Variants in SUPT3H observed in about 807,000 individuals in gnomAD.
SUPT3H encodes transcription initiation protein SPT3 homolog.
SUPT3H carries 44 observed loss-of-function variants against 44.3 expected under a neutral mutation model. That is an observed-to-expected ratio of 0.99 (90% CI 0.78 to 1.28). The LOEUF is 1.28. Ranked by LOEUF, SUPT3H falls within the 50% of genes most tolerant of loss-of-function variation. The probability of loss-of-function intolerance (pLI) is 0.00; values close to 1 mark genes in which losing one functional copy is unlikely to be tolerated. For synonymous variants in SUPT3H, 124 were observed against 125.6 expected (o/e 0.99, Z 0.09); for missense variants, 380 against 387.1 (o/e 0.98, Z 0.15).
In SUPT3H at chr6:45,025,765, C is replaced by A. The variant is rs527956191; in HGVS notation, c.187-5133G>T. 9.2e-5 allele frequency among the ~76,000 whole-genome samples: 14 copies of A among 152,050 alleles called. No individual in the cohort carries two copies. The South Asian group carries it at 2.7e-3, about 29-fold the overall frequency. On this transcript the variant is annotated intron_variant, in intron 3 of 10. Coordinates refer to ENST00000371459, the MANE Select transcript of SUPT3H (RefSeq NM_003599.4). ...TGGCGTGGTGGTGGGCGCCTGTAGT[C>A]TCAGCTGCTCGGGAGGCTGAGGCAG... is the stretch of plus-strand genomic sequence containing the variant.
intron 10 of SUPT3H, among the ~76,000 whole-genome samples, chr6:44,838,012 A>G (rs987598129): frequency 6.6e-6 from 1 of 152,256 alleles, no homozygotes; most frequent in Non-Finnish European, 1.5e-5. Context: ...AGATAGCAAT[A>G]GCTGTTTGCC....
At chr6:44,906,452 C>T (rs963467975) in intron 10 of SUPT3H, among the ~76,000 whole-genome samples, 1 of 152,132 alleles carries the variant, frequency 6.6e-6, no homozygotes, top group African/African-American at 2.4e-5. Context: ...TGTAATATCT[C>T]AGTTTTCTTA....
In SUPT3H at chr6:45,090,198, T is replaced by C. The variant is rs1275590700; in HGVS notation, c.186+15724A>G. Among the ~76,000 whole-genome samples the C allele has an allele frequency of 3.3e-5, 5 of 152,216 alleles. No individual in the cohort carries two copies. In the East Asian group the frequency reaches 9.6e-4, roughly 29 times the overall value. Reference sequence around the variant, plus strand: ...CCAAACGGGGTTAGCTATTAATCATTACTATGTAGCTTATTATTCACACAA... The same window carrying C: ...CCAAACGGGGTTAGCTATTAATCATCACTATGTAGCTTATTATTCACACAA... On this transcript the variant is annotated intron_variant, in intron 3 of 10. Coordinates refer to ENST00000371459, the MANE Select transcript of SUPT3H (RefSeq NM_003599.4).
intron 10 of SUPT3H, among the ~76,000 whole-genome samples, chr6:44,851,024 G>A (rs1376875107): frequency 2.0e-5 from 3 of 152,136 alleles, no homozygotes; most frequent in South Asian, 2.1e-4. Context: ...TGTGACCTCT[G>A]ACAGATGGTG....
At chr6:44,908,810 A>G (rs1766539041) in intron 10 of SUPT3H, among the ~76,000 whole-genome samples, 1 of 152,104 alleles carries the variant, frequency 6.6e-6, no homozygotes. Flanking sequence ...AAATATTGAA[A>G]TATTTGGTTT....
At chr6:44,919,838 C>CT (rs1372585293) in intron 10 of SUPT3H, among the ~76,000 whole-genome samples, 1 of 152,112 alleles carries the variant, frequency 6.6e-6, no homozygotes, top group Non-Finnish European at 1.5e-5. Context: ...ATTATATCCC[C>CT]TCACACCAGT....
At chr6:45,112,952 G>T (rs1341989998) in intron 2 of SUPT3H, among the ~76,000 whole-genome samples, 1 of 149,228 alleles carries the variant, frequency 6.7e-6, no homozygotes, top group African/African-American at 2.4e-5. Flanking sequence ...GTGGTCTTGG[G>T]AGCTAGTCAC....
At chr6:45,222,558 T>C (rs1766241420) in intron 2 of SUPT3H, among the ~76,000 whole-genome samples, 1 of 152,106 alleles carries the variant, frequency 6.6e-6, no homozygotes, top group South Asian at 2.1e-4. Flanking sequence ...CTGATAAGAA[T>C]ATGGAGAAAG....
intron 2 of SUPT3H, among the ~76,000 whole-genome samples, chr6:45,116,584 G>C (rs1022446323): frequency 6.6e-6 from 1 of 152,050 alleles, no homozygotes; most frequent in Admixed American, 6.6e-5. Context: ...CATATGCTGG[G>C]ATTAGCTTTG....
Position 45,364,353 on chromosome 6 carries a change from C to T in SUPT3H, c.101+848G>A, listed in dbSNP as rs755587616. ...TTTAACAGTAATCATCACATAGTGA[C>T]GTTAATTCAACTATGAAGGCTATCA... is the stretch of plus-strand genomic sequence containing the variant. On this transcript the variant is annotated intron_variant, in intron 2 of 10. Coordinates refer to ENST00000371459, the MANE Select transcript of SUPT3H (RefSeq NM_003599.4). Among the ~76,000 whole-genome samples, 8 of 152,214 alleles carry T rather than the reference C, an allele frequency of 5.3e-5. No homozygotes were observed. The East Asian group carries it at 1.2e-3, about 22-fold the overall frequency.
intron 3 of SUPT3H, among the ~76,000 whole-genome samples, chr6:45,086,277 T>C (rs1460524583): frequency 2.0e-5 from 3 of 152,064 alleles, no homozygotes; most frequent in African/African-American, 7.2e-5. Flanking sequence ...CTCCGAATTA[T>C]ATATACAGTT....
intron 10 of SUPT3H, among the ~76,000 whole-genome samples, chr6:44,900,604 T>C (rs1167772415): frequency 1.3e-5 from 2 of 152,096 alleles, no homozygotes; most frequent in Non-Finnish European, 2.9e-5. Flanking sequence ...GGGCAGGGCT[T>C]AGCCAAACTA....
rs1782205377 is a variant in SUPT3H at position 45,302,044 on chromosome 6, C to G, written c.101+63157G>C. Among the ~76,000 whole-genome samples, 3 of 152,156 alleles carry G rather than the reference C, an allele frequency of 2.0e-5. No individual in the cohort carries two copies. The South Asian group carries it at 6.2e-4, about 32-fold the overall frequency. ...CAGCAACCAATGAGGCCCAGTTTAC[C>G]TGGAGCCAGCATGATAAGGAAGTCC... is the stretch of plus-strand genomic sequence containing the variant. On this transcript the variant is annotated intron_variant, in intron 2 of 10. Coordinates refer to ENST00000371459, the MANE Select transcript of SUPT3H (RefSeq NM_003599.4).
At chr6:44,863,373 G>T (rs1198093093) in intron 10 of SUPT3H, among the ~76,000 whole-genome samples, 1 of 152,198 alleles carries the variant, frequency 6.6e-6, no homozygotes, top group Non-Finnish European at 1.5e-5. Context: ...GATATCCTGG[G>T]AAAAAGCAAC....
intron 10 of SUPT3H, among the ~76,000 whole-genome samples, chr6:44,870,908 T>C (rs1431619784): frequency 6.6e-6 from 1 of 151,312 alleles, no homozygotes; most frequent in African/African-American, 2.4e-5. Context: ...GAAAATCGGG[T>C]CACTCCCACC....
intron 2 of SUPT3H, among the ~76,000 whole-genome samples, chr6:45,199,064 G>T (rs1816564520): frequency 6.6e-6 from 1 of 151,176 alleles, no homozygotes; most frequent in Admixed American, 6.6e-5. Flanking sequence ...AAGGGCTGTT[G>T]TCATCTTTAA....
In SUPT3H at chr6:44,956,856, A is replaced by T. The variant is rs1043297731; in HGVS notation, c.581-2249T>A. On this transcript the variant is annotated intron_variant, in intron 7 of 10. Transcript: ENST00000371459. The stretch of plus-strand genomic sequence containing the variant: ...ATTTATTGAACACTGATACCATCAG[A>T]TATTCTTTCACAAATGCTTATAATT... Among the ~76,000 whole-genome samples, 6 of 152,312 alleles carry T rather than the reference A, an allele frequency of 3.9e-5. No individual in the cohort carries two copies. The Middle Eastern group carries it at 0.01, about 259-fold the overall frequency.
intron 2 of SUPT3H, among the ~76,000 whole-genome samples, chr6:45,233,103 A>C (rs1768383268): frequency 6.6e-6 from 1 of 152,074 alleles, no homozygotes; most frequent in South Asian, 2.1e-4. Context: ...CAGGTTTTAG[A>C]AATTACGCGC....
intron 2 of SUPT3H, among the ~76,000 whole-genome samples, chr6:45,242,710 A>T (rs1211179181): frequency 3.9e-5 from 6 of 152,198 alleles, no homozygotes; most frequent in African/African-American, 1.2e-4. Flanking sequence ...GAAAAACAAA[A>T]TTCACCATTC....
Sources: allele counts gnomAD v4.1 joint callset (sites outside exome capture counted in the v4.1 genomes callset), GRCh38; gene constraint gnomAD v4.1.1; transcripts MANE v1.5; gene names NCBI Gene and HGNC (gene_info 2026-07-23, HGNC 2026-07-21).